UGT1A10: variants seen among roughly 807,000 people sequenced by gnomAD.
The protein encoded by UGT1A10 is UDP-glucuronosyltransferase 1A10.
In UGT1A10, 49 loss-of-function variants were observed where a neutral mutation model predicts 45.8. The ratio of observed to expected loss-of-function variants is 1.07; its 90% CI spans 0.85 to 1.36. The LOEUF is 1.36. Among genes scored for constraint, UGT1A10 ranks in the 40% most tolerant of loss-of-function variants. The pLI, the probability that UGT1A10 is intolerant of heterozygous loss-of-function variation, is 0.00. For missense variants in UGT1A10, 745 were observed against 668.6 expected (o/e 1.11, Z -1.26); for synonymous variants, 284 against 249.7 (o/e 1.14, Z -1.29).
chr2:233,643,523 C>T (rs1350423108), intron 1 of UGT1A10, among the ~76,000 whole-genome samples: 2 of 152,042 alleles, frequency 1.3e-5, no homozygotes, highest in Non-Finnish European at 2.9e-5. Context: ...ACCCCAAAAG[C>T]CCTCTTGATG....
chr2:233,672,311 GT>G, intron 1 of UGT1A10: 2 of 1,614,048 alleles, frequency 1.2e-6, no homozygotes, highest in East Asian at 4.5e-5. Flanking sequence ...AATTGCAGGA[GT>G]TTGTTTAAAG....
chr2:233,682,354 G>A, intron 1 of UGT1A10: 1 of 1,614,054 alleles, frequency 6.2e-7, no homozygotes, highest in Non-Finnish European at 8.5e-7. Context: ...ACTTAAAGGA[G>A]AGTTGTTTTG....
At position 233,768,294 on chromosome 2, in the gene UGT1A10, C is replaced by T. The variant is rs901936528; in HGVS notation, c.1150C>T (p.Pro384Ser). The T allele has an allele frequency of 2.5e-6, 4 of 1,614,146 alleles. No individual in the cohort carries two copies. Among genetic ancestry groups the T allele is most frequent in the Non-Finnish European group, 3.4e-6 (4 of 1,180,048 alleles). The change falls in exon 4 of 5, where the codon CCC becomes TCC. Residue 384 changes from proline to serine, a missense_variant. Physicochemically the swap from Pro to Ser is moderately conservative, Grantham distance 74. Transcript: ENST00000344644. ...TTATGAAAGCATATGCAATGGCGTTCCCATGGTGATGATGCCCTTGTTTGG... is the reference window on the plus strand; with the variant it reads ...TTATGAAAGCATATGCAATGGCGTTTCCATGGTGATGATGCCCTTGTTTGG... ...GVYESICNGV[P>S]MVMMPLFGDQ...
intron 1 of UGT1A10, chr2:233,719,176 A>G (rs538162022): frequency 1.9e-6 from 3 of 1,614,116 alleles, no homozygotes. Context: ...ATTATGAACA[A>G]TGTATCTTTG....
chr2:233,731,434 C>A (rs17862872), intron 1 of UGT1A10, among the ~76,000 whole-genome samples: 12,097 of 152,204 alleles, frequency 0.079, 644 homozygotes, highest in East Asian at 0.2. Flanking sequence ...ATCCCTCCCC[C>A]AGTCCCCCAC....
At chr2:233,647,250 G>A (rs1453172673) in intron 1 of UGT1A10, among the ~76,000 whole-genome samples, 2 of 152,118 alleles carry the variant, frequency 1.3e-5, no homozygotes, top group Non-Finnish European at 2.9e-5. Context: ...ATGAGCTTTG[G>A]GTGGGGACAC....
At position 233,706,233 on chromosome 2, in the gene UGT1A10, G is replaced by A. The variant is rs181883669; in HGVS notation, c.856-60801G>A. Among the ~76,000 whole-genome samples, 10 of 152,360 alleles carry A rather than the reference G, an allele frequency of 6.6e-5. No homozygotes were observed. In the East Asian group the frequency reaches 1.9e-3, roughly 29 times the overall value. On this transcript the variant is annotated intron_variant, in intron 1 of 4. Coordinates refer to ENST00000344644, the MANE Select transcript of UGT1A10 (RefSeq NM_019075.4). ...CCCAGGCAGGGGCAAATGTGCAGCT[G>A]GGAGAGTGAGAGAACCAGGGCAGCT...
intron 1 of UGT1A10, among the ~76,000 whole-genome samples, chr2:233,653,234 A>T (rs561525159): frequency 3.5e-4 from 53 of 152,310 alleles, no homozygotes; most frequent in Admixed American, 3.0e-3. Flanking sequence ...TTAAAAGGGG[A>T]TTTATTTGAA....
chr2:233,760,883 C>G lies in UGT1A10; in HGVS notation c.856-6151C>G, dbSNP rs550460320. On this transcript the variant is annotated intron_variant, in intron 1 of 4. Coordinates refer to ENST00000344644, the MANE Select transcript of UGT1A10 (RefSeq NM_019075.4). ...TCCTACGTGCCCAGGCCTCTCTCCT[C>G]TCATTCAGATCACATGACCTTCCTG... 4 of 1,614,168 alleles carry G rather than the reference C, an allele frequency of 2.5e-6. No individual in the cohort carries two copies. The East Asian group carries it at 6.7e-5, about 27-fold the overall frequency.
chr2:233,768,048 T>A, intron 3 of UGT1A10, 112 bp downstream of exon 3: 1 of 1,607,556 alleles, frequency 6.2e-7, no homozygotes, highest in Non-Finnish European at 8.5e-7. Flanking sequence ...GGCCAACATA[T>A]CCTACATTGC....
chr2:233,732,187 T>A (rs1208942710), intron 1 of UGT1A10, among the ~76,000 whole-genome samples: 3 of 152,250 alleles, frequency 2.0e-5, no homozygotes, highest in African/African-American at 7.2e-5. Flanking sequence ...ATTCTGGATA[T>A]TAGCCCTTTG....
At chr2:233,672,562 C>G in intron 1 of UGT1A10, 1 of 1,613,900 alleles carries the variant, frequency 6.2e-7, no homozygotes, top group Non-Finnish European at 8.5e-7. Flanking sequence ...AGTACGGAAC[C>G]ACATCATGCA....
intron 1 of UGT1A10, among the ~76,000 whole-genome samples, chr2:233,683,603 T>A (rs1470353290): frequency 6.6e-6 from 1 of 152,206 alleles, no homozygotes; most frequent in East Asian, 1.9e-4. Flanking sequence ...CCCTCATTAT[T>A]TATTCGGATT....
chr2:233,770,091 G>A (rs1182025509), intron 4 of UGT1A10: 1 of 152,674 alleles, frequency 6.5e-6, no homozygotes, highest in East Asian at 1.9e-4. Context: ...CAGTGGTATA[G>A]ATAACTACTT....
chr2:233,659,846 C>G (rs997863205), intron 1 of UGT1A10, among the ~76,000 whole-genome samples: 1 of 152,178 alleles, frequency 6.6e-6, no homozygotes, highest in Non-Finnish European at 1.5e-5. Context: ...AATCCTTCTG[C>G]GAGATTGTCT....
chr2:233,665,316 A>G (rs1559330852), intron 1 of UGT1A10, among the ~76,000 whole-genome samples: 1 of 152,202 alleles, frequency 6.6e-6, no homozygotes, highest in East Asian at 1.9e-4. Flanking sequence ...CTTTTTGCAC[A>G]TTAGTATGTA....
intron 1 of UGT1A10, among the ~76,000 whole-genome samples, chr2:233,655,384 A>G (rs1275351931): frequency 6.6e-6 from 1 of 152,160 alleles, no homozygotes; most frequent in Non-Finnish European, 1.5e-5. Context: ...TCATTCCCCA[A>G]GGAGCAGGGA....
intron 1 of UGT1A10, among the ~76,000 whole-genome samples, chr2:233,669,866 G>A (rs2074146623): frequency 6.6e-6 from 1 of 151,986 alleles, no homozygotes; most frequent in Non-Finnish European, 1.5e-5. Flanking sequence ...TGCATTTTTA[G>A]TAGAGATAGG....
In UGT1A10 at chr2:233,681,920, CT is replaced by C. The variant is rs757101373; in HGVS notation, c.855+44544del. The stretch of plus-strand genomic sequence containing the variant: ...GAGCTTAGAATCCCAGCTGCTGGCT[CT>C]GGGCTGAAGTTCTCTGATGGCTCGT... On this transcript the variant is annotated intron_variant, in intron 1 of 4. Coordinates refer to ENST00000344644, the MANE Select transcript of UGT1A10 (RefSeq NM_019075.4). 3.7e-6 allele frequency: 6 copies of C among 1,605,606 alleles called. No homozygotes were observed. In the African/African-American group the frequency reaches 8.0e-5, roughly 22 times the overall value.
Sources: allele counts gnomAD v4.1 joint callset (sites outside exome capture counted in the v4.1 genomes callset), GRCh38; gene constraint gnomAD v4.1.1; transcripts MANE v1.5; gene names NCBI Gene and HGNC (gene_info 2026-07-23, HGNC 2026-07-21).